DPYD: variants seen among roughly 807,000 people sequenced by gnomAD.
The protein encoded by DPYD is dihydropyrimidine dehydrogenase, also known as dihydropyrimidine dehydrogenase [NADP(+)].
Under a neutral mutation model 116.2 loss-of-function variants are expected in DPYD, and 109 were observed. The ratio of observed to expected loss-of-function variants is 0.94; its 90% CI spans 0.80 to 1.10. The LOEUF is 1.10. Among genes scored for constraint, DPYD ranks in the 50% least tolerant of loss-of-function variants. DPYD has a pLI of 0.00. For missense variants in DPYD, 1,302 were observed against 1,254.5 expected (o/e 1.04, Z -0.57); for synonymous variants, 440 against 432.0 (o/e 1.02, Z -0.23).
At chr1:97,724,303 G>GTGT (rs1663100761) in intron 4 of DPYD, among the ~76,000 whole-genome samples, 3 of 14,448 alleles carry the variant, frequency 2.1e-4, no homozygotes, top group African/African-American at 8.4e-4. Context: ...TGGGGGGGGG[G>GTGT]GGGGGTGTGT....
At chr1:97,630,628 T>A (rs1657201788) in intron 8 of DPYD, among the ~76,000 whole-genome samples, 1 of 152,168 alleles carries the variant, frequency 6.6e-6, no homozygotes, top group Admixed American at 6.6e-5. Context: ...ACTTAGCAAG[T>A]CTTTCTTCTA....
At chr1:97,889,681 A>G (rs1181010562) in intron 1 of DPYD, among the ~76,000 whole-genome samples, 1 of 152,064 alleles carries the variant, frequency 6.6e-6, no homozygotes, top group Non-Finnish European at 1.5e-5. Context: ...ACTCCACATT[A>G]AACAGTGGAT....
chr1:97,515,014 G>A (rs973676330), intron 13 of DPYD, among the ~76,000 whole-genome samples: 3 of 151,824 alleles, frequency 2.0e-5, no homozygotes, highest in Admixed American at 6.6e-5. Context: ...ACATTGAGAG[G>A]TTTAGCATTT....
chr1:97,289,363 A>C (rs777253811), intron 18 of DPYD, among the ~76,000 whole-genome samples: 64 of 152,208 alleles, frequency 4.2e-4, no homozygotes, highest in Non-Finnish European at 8.8e-4. Flanking sequence ...CTGATACCAA[A>C]GCCGGGCAGA....
intron 16 of DPYD, among the ~76,000 whole-genome samples, chr1:97,327,481 T>G (rs932677656): frequency 1.3e-5 from 2 of 151,868 alleles, no homozygotes; most frequent in Non-Finnish European, 2.9e-5. Flanking sequence ...AATACCAACT[T>G]GAATAAAGAA....
At chr1:97,704,059 T>C (rs770804873) in intron 5 of DPYD, among the ~76,000 whole-genome samples, 1 of 152,072 alleles carries the variant, frequency 6.6e-6, no homozygotes, top group Non-Finnish European at 1.5e-5. Context: ...ATACATAAGT[T>C]ACACTTTCCA....
At chr1:97,265,385 ATG>A (rs748158263) in intron 18 of DPYD, 4 of 152,052 alleles carry the variant, frequency 2.6e-5, no homozygotes, top group Non-Finnish European at 4.4e-5. Context: ...GATTATTCTT[ATG>A]TATTTTTTAT....
chr1:97,648,617 G>A (rs560419197), intron 8 of DPYD, among the ~76,000 whole-genome samples: 17 of 151,998 alleles, frequency 1.1e-4, no homozygotes, highest in African/African-American at 3.1e-4. Flanking sequence ...ATAAAGACAC[G>A]CAGTTTTATT....
Position 97,098,632 on chromosome 1 carries a change from T to G in DPYD, c.2623A>C (p.Lys875Gln), listed in dbSNP as rs201035051. ...VPRIAELMDK[K>Q]LPSFGPYLEQ... ...AGATAAGGTCCAAAACTTGGCAGTT[T>G]CTAAAAGGAAAACACACAAATAAGG... Residue 875 changes from lysine (K) to glutamine (Q), a missense_variant and splice_region_variant, in exon 21 of 23, where the codon AAA becomes CAA. Lys to Gln is a moderately conservative substitution (Grantham distance 53, BLOSUM62 1). Transcript: ENST00000370192. The G allele has an allele frequency of 1.1e-5, 18 of 1,612,762 alleles. No individual in the cohort carries two copies. In the East Asian group the frequency reaches 3.6e-4, roughly 32 times the overall value.
chr1:97,876,930 G>C (rs1203757583), intron 2 of DPYD, among the ~76,000 whole-genome samples: 3 of 151,992 alleles, frequency 2.0e-5, no homozygotes, highest in African/African-American at 7.2e-5. Context: ...AATGGACAGA[G>C]AGACAAAATG....
At chr1:97,188,770 T>C (rs565332634) in intron 20 of DPYD, among the ~76,000 whole-genome samples, 1 of 152,310 alleles carries the variant, frequency 6.6e-6, no homozygotes, top group Admixed American at 6.5e-5. Context: ...TGGTAGACAT[T>C]GCATTAGGCA....
intron 1 of DPYD, among the ~76,000 whole-genome samples, chr1:97,917,747 G>T (rs911789594): frequency 1.3e-5 from 2 of 152,114 alleles, no homozygotes; most frequent in African/African-American, 4.8e-5. Flanking sequence ...TATATCAAAA[G>T]TACTAGTATT....
chr1:97,634,690 T>C (rs945665514), intron 8 of DPYD, among the ~76,000 whole-genome samples: 5 of 151,932 alleles, frequency 3.3e-5, no homozygotes, highest in African/African-American at 7.2e-5. Context: ...AAGAATAAAA[T>C]AGAAAGAGAA....
rs375990495 is a variant in DPYD at position 97,082,321 on chromosome 1, G to T, written c.2907+9C>A. ...TCTCATAGCATTCTAATTCCAGCAG[G>T]ATTCTTACCTGGTAGCCAGAATCAT... On this transcript the variant is annotated intron_variant, in intron 22 of 22. Transcript: ENST00000370192. 3 of 1,613,286 alleles carry T rather than the reference G, an allele frequency of 1.9e-6. No homozygotes were observed. Among genetic ancestry groups the T allele is most frequent in the South Asian group, 1.1e-5 (1 of 91,058 alleles).
At chr1:97,829,425 A>T (rs1236316442) in intron 2 of DPYD, among the ~76,000 whole-genome samples, 1 of 152,084 alleles carries the variant, frequency 6.6e-6, no homozygotes, top group East Asian at 1.9e-4. Flanking sequence ...ATGAATCTAC[A>T]ATAATTAAAA....
chr1:97,522,180 A>T (rs562031328), intron 12 of DPYD, among the ~76,000 whole-genome samples: 1 of 152,362 alleles, frequency 6.6e-6, no homozygotes, highest in Non-Finnish European at 1.5e-5. Context: ...TAATATCCAG[A>T]ATCTACAAAG....
rs984556144 is a variant in DPYD, at chr1:97,461,975, A to C, written c.1741-11752T>G. Among the ~76,000 whole-genome samples the C allele has an allele frequency of 3.9e-5, 6 of 152,350 alleles. No homozygotes were observed. In the South Asian group the frequency reaches 8.3e-4, roughly 21 times the overall value. ...ACAAGTAAACTGAAGGACATTTGAA[A>C]AACTTCCTGTCTGTGTCCTCTCAAT... On this transcript the variant is annotated intron_variant, in intron 13 of 22. Coordinates refer to ENST00000370192, the MANE Select transcript of DPYD (RefSeq NM_000110.4).
chr1:97,895,655 G>GTAGA (rs1673022747), intron 1 of DPYD, among the ~76,000 whole-genome samples: 1 of 151,702 alleles, frequency 6.6e-6, no homozygotes, highest in African/African-American at 2.4e-5. Flanking sequence ...AAGGATCAGA[G>GTAGA]TAGAGCAAGG....
At chr1:97,856,737 C>T (rs1670866622) in intron 2 of DPYD, 1 of 152,340 alleles carries the variant, frequency 6.6e-6, no homozygotes, top group Non-Finnish European at 1.5e-5. Flanking sequence ...CCGGATGCCA[C>T]CCACTACCCA....
Sources: allele counts gnomAD v4.1 joint callset (sites outside exome capture counted in the v4.1 genomes callset), GRCh38; gene constraint gnomAD v4.1.1; transcripts MANE v1.5; gene names NCBI Gene and HGNC (gene_info 2026-07-23, HGNC 2026-07-21).